RAD54B: variants seen among roughly 807,000 people sequenced by gnomAD.
RAD54B encodes the protein RAD54 homolog B, also known as DNA repair and recombination protein RAD54B.
RAD54B carries 78 observed loss-of-function variants against 95.8 expected under a neutral mutation model. The observed-to-expected ratio is 0.81, with a 90% confidence interval of 0.68 to 0.98. The LOEUF is 0.98. Among genes scored for constraint, RAD54B ranks in the 50% least tolerant of loss-of-function variants. The pLI is 0.00. For missense variants in RAD54B, 957 were observed against 1,056.6 expected (o/e 0.91, Z 1.31); for synonymous variants, 328 against 354.9 (o/e 0.92, Z 0.85).
chr8:94,430,466 C>G, intron 3 of RAD54B: 2 of 983,082 alleles, frequency 2.0e-6, no homozygotes, highest in Non-Finnish European at 2.4e-6. Flanking sequence ...TACTCTGTTT[C>G]ACTGGTTCTC....
chr8:94,441,922 A>G (rs1264943156), intron 3 of RAD54B, among the ~76,000 whole-genome samples: 1 of 152,230 alleles, frequency 6.6e-6, no homozygotes, highest in Non-Finnish European at 1.5e-5. Flanking sequence ...ACCTATTATT[A>G]ACTTCAGTTG....
chr8:94,436,713 GT>G (rs1174717533), intron 3 of RAD54B: 6 of 1,550,548 alleles, frequency 3.9e-6, no homozygotes, highest in Non-Finnish European at 5.2e-6. Flanking sequence ...TTGCATTATA[GT>G]TAACTGCTAT....
At chr8:94,468,745 C>T (rs1313931935) in intron 1 of RAD54B, among the ~76,000 whole-genome samples, 3 of 151,862 alleles carry the variant, frequency 2.0e-5, no homozygotes, top group Non-Finnish European at 4.4e-5. Flanking sequence ...AGGAGAATGG[C>T]GTGAACCCGG....
At chr8:94,417,286 T>G (rs1811697053) in intron 3 of RAD54B, among the ~76,000 whole-genome samples, 1 of 152,072 alleles carries the variant, frequency 6.6e-6, no homozygotes, top group African/African-American at 2.4e-5. Context: ...AAAAGTTTCT[T>G]TCTGAGGTAT....
chr8:94,448,743 G>T (rs913259189), intron 3 of RAD54B, among the ~76,000 whole-genome samples: 2 of 151,462 alleles, frequency 1.3e-5, no homozygotes, highest in Non-Finnish European at 2.9e-5. Context: ...TAAAACAGTG[G>T]TTACTAGAAC....
At position 94,393,749 on chromosome 8, in the gene RAD54B, A is replaced by AGCAGAAG. The variant is rs1563640062; in HGVS notation, c.1505_1511dup (p.Ser505PhefsTer4). ...TTATTAGAGTAAATTATACCTCAGAAGCAGAAGGTTCTCTCGATAAAATGA... is the reference window on the plus strand; with the variant it reads ...TTATTAGAGTAAATTATACCTCAGAAGCAGAAGGCAGAAGGTTCTCTCGATAAAATGA... On this transcript the variant is annotated frameshift_variant, in exon 9 of 15. Coordinates refer to ENST00000336148, the MANE Select transcript of RAD54B (RefSeq NM_012415.3). LOFTEE classifies it high-confidence loss of function. 1 of 1,575,344 alleles carries AGCAGAAG rather than the reference A, an allele frequency of 6.3e-7. No individual in the cohort carries two copies. The highest frequency in any genetic ancestry group is 1.7e-5 in the Admixed American group (1 of 58,112).
chr8:94,377,450 T>C (rs1810608780), intron 14 of RAD54B, among the ~76,000 whole-genome samples: 1 of 146,082 alleles, frequency 6.8e-6, no homozygotes, highest in African/African-American at 2.6e-5. Context: ...GCTGGAAGAC[T>C]GCTTGAACCC....
chr8:94,417,313 C>T (rs1379150244), intron 3 of RAD54B, among the ~76,000 whole-genome samples: 1 of 152,038 alleles, frequency 6.6e-6, no homozygotes, highest in Non-Finnish European at 1.5e-5. Flanking sequence ...TATTCTGCAA[C>T]TGGCTGTTCT....
At position 94,411,123 on chromosome 8, in the gene RAD54B, C is replaced by T; in HGVS notation, c.497G>A (p.Arg166Lys). ...AACATTAGGTAGTATCATAATACCT[C>T]TTCCAATGTCTTTGCCTTCCAAATT... ...LKNLEGKDIG[R>K]GIGYKFKELE... The change falls in exon 4 of 15, where the codon AGA becomes AAA. Residue 166 changes from arginine (R) to lysine (K), a missense_variant and splice_region_variant. Coordinates refer to ENST00000336148, the MANE Select transcript of RAD54B (RefSeq NM_012415.3). The T allele has an allele frequency of 6.2e-7, 1 of 1,601,546 alleles. No homozygotes were observed. Among genetic ancestry groups the T allele is most frequent in the Admixed American group, 1.7e-5 (1 of 57,756 alleles).
At chr8:94,415,123 A>T (rs1447176473) in intron 3 of RAD54B, among the ~76,000 whole-genome samples, 3 of 151,998 alleles carry the variant, frequency 2.0e-5, no homozygotes, top group African/African-American at 7.2e-5. Context: ...ACTATACTAC[A>T]AGGCTACAGT....
intron 8 of RAD54B, among the ~76,000 whole-genome samples, chr8:94,398,935 C>T (rs932662943): frequency 1.3e-5 from 2 of 152,068 alleles, no homozygotes; most frequent in African/African-American, 4.8e-5. Flanking sequence ...ACACTTACCA[C>T]ATGTCAGGTA....
At chr8:94,432,390 T>A (rs1035075997) in intron 3 of RAD54B, 10 of 1,550,286 alleles carry the variant, frequency 6.5e-6, no homozygotes, top group African/African-American at 2.7e-5. Flanking sequence ...AAAAAAATCA[T>A]CTCTCCTTGG....
intron 3 of RAD54B, among the ~76,000 whole-genome samples, chr8:94,447,515 G>A (rs797016775): frequency 2.3e-4 from 35 of 152,288 alleles, no homozygotes; most frequent in African/African-American, 7.9e-4. Context: ...CACTCATTGT[G>A]TTGCAGCCAG....
intron 14 of RAD54B, among the ~76,000 whole-genome samples, chr8:94,375,913 T>A (rs1485574035): frequency 2.7e-5 from 4 of 150,756 alleles, no homozygotes; most frequent in Non-Finnish European, 5.9e-5. Context: ...GAGATAAGGG[T>A]AGAGTAGGAG....
chr8:94,378,142 A>G, intron 14 of RAD54B, 38 bp downstream of exon 14: 1 of 1,388,574 alleles, frequency 7.2e-7, no homozygotes, highest in Non-Finnish European at 9.8e-7. Flanking sequence ...AAATAAATTA[A>G]CTTTACTACA....
chr8:94,376,085 T>G (rs796608070), intron 14 of RAD54B, among the ~76,000 whole-genome samples: 3 of 152,182 alleles, frequency 2.0e-5, no homozygotes, highest in Non-Finnish European at 4.4e-5. Flanking sequence ...CTGGCTAATA[T>G]GACAGAATTC....
chr8:94,440,462 T>C (rs911730746), intron 3 of RAD54B, among the ~76,000 whole-genome samples: 1 of 152,194 alleles, frequency 6.6e-6, no homozygotes, highest in Non-Finnish European at 1.5e-5. Flanking sequence ...ATATACTTGT[T>C]AAGAATATTA....
At chr8:94,471,545 C>T (rs1813173726) in intron 1 of RAD54B, among the ~76,000 whole-genome samples, 1 of 152,030 alleles carries the variant, frequency 6.6e-6, no homozygotes, top group Non-Finnish European at 1.5e-5. Context: ...AAAATGTACA[C>T]ATCTAACTGC....
intron 14 of RAD54B, among the ~76,000 whole-genome samples, chr8:94,377,168 A>C (rs1163891487): frequency 6.6e-6 from 1 of 152,180 alleles, no homozygotes; most frequent in African/African-American, 2.4e-5. Context: ...ATTATGAATA[A>C]ATTCTGTACA....
Sources: allele counts gnomAD v4.1 joint callset (sites outside exome capture counted in the v4.1 genomes callset), GRCh38; gene constraint gnomAD v4.1.1; transcripts MANE v1.5; gene names NCBI Gene and HGNC (gene_info 2026-07-23, HGNC 2026-07-21).